The following WRN variants were observed in gnomAD, a reference collection of about 807,000 sequenced individuals.
WRN encodes WRN RecQ like helicase, also known as bifunctional 3'-5' exonuclease/ATP-dependent helicase WRN.
A neutral mutation model predicts 180.7 loss-of-function variants in WRN; 149 were observed. The ratio of observed to expected loss-of-function variants is 0.82; its 90% confidence interval spans 0.72 to 0.94. The LOEUF (loss-of-function observed/expected upper bound fraction) is 0.94, where lower values mean the gene tolerates loss of function less well. Among genes scored for constraint, WRN ranks in the 40% least tolerant of loss-of-function variants. WRN has a pLI of 0.00. For missense variants in WRN, 1,661 were observed against 1,700.1 expected (o/e 0.98, Z 0.40); for synonymous variants, 548 against 568.9 (o/e 0.96, Z 0.52).
intron 18 of WRN, among the ~76,000 whole-genome samples, chr8:31,108,291 A>C (rs901808751): frequency 2.0e-5 from 3 of 152,204 alleles, no homozygotes; most frequent in Admixed American, 6.5e-5. Flanking sequence ...CTGCAGGCAT[A>C]AACTGGGAAT....
At chr8:31,050,582 C>T (rs1295588488) in intron 1 of WRN, among the ~76,000 whole-genome samples, 1 of 149,054 alleles carries the variant, frequency 6.7e-6, no homozygotes, top group Non-Finnish European at 1.5e-5. Context: ...AGATTTCTTT[C>T]CACTCTACTT....
At position 31,174,442 on chromosome 8, in the gene WRN, T is replaced by G. The variant is rs775841327; in HGVS notation, c.*1340T>G. Among the ~76,000 whole-genome samples the G allele has an allele frequency of 1.2e-4, 18 of 152,350 alleles. No homozygotes were observed. The highest frequency in any genetic ancestry group is 2.4e-4 in the Non-Finnish European group (16 of 68,030). On this transcript the variant is annotated 3_prime_UTR_variant, in exon 35 of 35. Coordinates refer to ENST00000298139, the MANE Select transcript of WRN (RefSeq NM_000553.6). ...TGCCATTTTCACTGAAAAGAATGAC[T>G]AATGAAAAACGATGATTGGTTATTA... is the stretch of plus-strand genomic sequence containing the variant.
At chr8:31,098,433 ATT>A (rs1435827014) in intron 17 of WRN, among the ~76,000 whole-genome samples, 2 of 152,098 alleles carry the variant, frequency 1.3e-5, no homozygotes, top group Admixed American at 1.3e-4. Context: ...AGAACTCTCT[ATT>A]TTTGTTTTTT....
chr8:31,154,899 A>G (rs1442331738), intron 32 of WRN, 144 bp downstream of exon 32: 1 of 1,162,174 alleles, frequency 8.6e-7, no homozygotes, highest in East Asian at 2.6e-5. Flanking sequence ...ATTTTAAAAG[A>G]GAATGTTGTT....
chr8:31,139,293 A>G (rs567925485), intron 24 of WRN, among the ~76,000 whole-genome samples: 11 of 152,214 alleles, frequency 7.2e-5, no homozygotes, highest in Admixed American at 5.9e-4. Flanking sequence ...AACCTTCATT[A>G]GGATATATAT....
chr8:31,124,115 T>A (rs906087184), intron 21 of WRN, among the ~76,000 whole-genome samples: 2 of 152,070 alleles, frequency 1.3e-5, no homozygotes, highest in African/African-American at 4.8e-5. Flanking sequence ...TAGTTTCTCA[T>A]ACAAAATAAA....
In WRN at chr8:31,173,732, A is replaced by G. The variant is rs1804185531; in HGVS notation, c.*630A>G. The stretch of plus-strand genomic sequence containing the variant: ...TACAATTTCTATTATTTTTCAAGTA[A>G]TAAAACAATGTTTTTCATACTGAAT... On this transcript the variant is annotated 3_prime_UTR_variant, in exon 35 of 35. Transcript: ENST00000298139. 1 of 158,394 alleles carries G rather than the reference A, an allele frequency of 6.3e-6. No individual in the cohort carries two copies. The highest frequency in any genetic ancestry group is 2.9e-3 in the Middle Eastern group (1 of 348). 9.8% of individuals were successfully genotyped at this position (158,394 alleles called of 1,614,324 possible). A position where few individuals can be genotyped will look rare whatever the true frequency, so the allele number is the denominator to read the frequency against.
rs61761624 is a variant in WRN at position 31,150,356 on chromosome 8, A to G, written c.3588A>G (p.Glu1196=). The G allele has an allele frequency of 9.4e-5, 152 of 1,613,956 alleles. No individual in the cohort carries two copies. Among genetic ancestry groups the G allele is most frequent in the Non-Finnish European group, 1.3e-4 (149 of 1,180,008 alleles). Residue 1196 remains glutamate (E), a synonymous_variant, in exon 31 of 35, where the codon GAA becomes GAG. Coordinates refer to ENST00000298139, the MANE Select transcript of WRN (RefSeq NM_000553.6). ...TTAAACACAGACCAACTACGGTTGA[A>G]AACGTAAAAAGGATTGATGGTGTTT... ...DMAKMRPTTV[E]NVKRIDGVSE... is the part of the protein sequence containing the mutation.
At chr8:31,161,772 GAGGTTGC>G (rs1219883732) in intron 33 of WRN, among the ~76,000 whole-genome samples, 13 of 148,828 alleles carry the variant, frequency 8.7e-5, no homozygotes, top group East Asian at 2.0e-4. Flanking sequence ...CCAGGAGGTG[GAGGTTGC>G]AGTGAGTCAA....
intron 7 of WRN, 129 bp from the exon 8 acceptor site, chr8:31,076,044 G>C: frequency 1.3e-6 from 1 of 757,268 alleles, no homozygotes; most frequent in Non-Finnish European, 2.3e-6. Context: ...GAATAAGAAG[G>C]TCTTTTTGTT....
In WRN at chr8:31,080,722, T is replaced by C. The variant is rs180916960; in HGVS notation, c.840-145T>C. The C allele has an allele frequency of 1.9e-4, 126 of 669,540 alleles. No homozygotes were observed. In the Admixed American group the frequency reaches 2.3e-3, roughly 12 times the overall value. 41.5% of individuals were successfully genotyped at this position (669,540 alleles called of 1,614,324 possible). Reference sequence around the variant, plus strand: ...GCAAGCTGTAATTATATATGGGCATTAGGGAATGAAGAACAGCCTTAATAC... The same window carrying C: ...GCAAGCTGTAATTATATATGGGCATCAGGGAATGAAGAACAGCCTTAATAC... On this transcript the variant is annotated intron_variant, in intron 8 of 34. Coordinates refer to ENST00000298139, the MANE Select transcript of WRN (RefSeq NM_000553.6).
intron 1 of WRN, among the ~76,000 whole-genome samples, chr8:31,056,383 G>A (rs1812274254): frequency 6.6e-6 from 1 of 152,156 alleles, no homozygotes; most frequent in South Asian, 2.1e-4. Context: ...TTTTGAATTT[G>A]TGACAAAATA....
At chr8:31,141,822 T>C (rs529057972) in intron 26 of WRN, 47 bp downstream of exon 26, 1 of 1,557,500 alleles carries the variant, frequency 6.4e-7, no homozygotes, top group South Asian at 1.1e-5. Flanking sequence ...TTTTTGTTGC[T>C]ATTTATGTGA....
chr8:31,146,545 G>A (rs1445574584), intron 28 of WRN, among the ~76,000 whole-genome samples: 2 of 151,852 alleles, frequency 1.3e-5, no homozygotes, highest in African/African-American at 4.8e-5. Flanking sequence ...CTTACCTAGT[G>A]ACATTTTAAT....
chr8:31,138,959 T>C (rs1438933378), intron 24 of WRN, among the ~76,000 whole-genome samples: 3 of 152,172 alleles, frequency 2.0e-5, no homozygotes, highest in Non-Finnish European at 4.4e-5. Flanking sequence ...ATCTACACCT[T>C]GGAAATAGTA....
At chr8:31,155,265 T>C (rs11574376) in intron 32 of WRN, among the ~76,000 whole-genome samples, 109 of 152,320 alleles carry the variant, frequency 7.2e-4, no homozygotes, top group African/African-American at 2.2e-3. Flanking sequence ...AAACTTGCTT[T>C]TCATTCTATC....
At chr8:31,158,794 G>A (rs1803489952) in intron 33 of WRN, among the ~76,000 whole-genome samples, 1 of 152,072 alleles carries the variant, frequency 6.6e-6, no homozygotes, top group Non-Finnish European at 1.5e-5. Context: ...CATTGATCAC[G>A]GTGGAAGCAC....
At chr8:31,064,117 A>C (rs1812599964) in intron 3 of WRN, among the ~76,000 whole-genome samples, 172 bp from the exon 4 acceptor site, 1 of 152,070 alleles carries the variant, frequency 6.6e-6, no homozygotes, top group Admixed American at 6.5e-5. Flanking sequence ...GTCTTTTCTT[A>C]CTTATTTTTC....
intron 9 of WRN, 95 bp downstream of exon 9, chr8:31,081,391 G>T: frequency 7.4e-7 from 1 of 1,342,604 alleles, no homozygotes; most frequent in Non-Finnish European, 1.0e-6. Context: ...TTTAGGCTTT[G>T]TGGGACATAC....
Sources: gnomAD v4.1 joint callset for allele counts (sites outside exome capture counted in the v4.1 genomes callset) on GRCh38, gnomAD v4.1.1 for gene constraint, MANE v1.5 for transcripts, NCBI Gene and HGNC (gene_info 2026-07-23, HGNC 2026-07-21) for gene names.